The following TRIM23 variants were observed in gnomAD, a reference collection of about 807,000 sequenced individuals.
The protein encoded by TRIM23 is E3 ubiquitin-protein ligase TRIM23.
TRIM23 carries 27 observed loss-of-function variants against 71.0 expected under a neutral mutation model. The observed-to-expected ratio is 0.38, with a 90% CI of 0.28 to 0.52. The LOEUF (loss-of-function observed/expected upper bound fraction) is 0.52, where lower values mean the gene tolerates loss of function less well. TRIM23 is among the 20% of genes least tolerant of loss of function. TRIM23 has a pLI of 0.84. For synonymous variants in TRIM23, 234 were observed against 238.0 expected, an observed-to-expected ratio of 0.98 and a Z score of 0.16; for missense variants, 482 against 692.3, an observed-to-expected ratio of 0.70 and a Z score of 3.41.
At chr5:65,593,026 A>C (rs1051639580) in intron 10 of TRIM23, among the ~76,000 whole-genome samples, 3 of 151,496 alleles carry the variant, frequency 2.0e-5, no homozygotes, top group African/African-American at 7.3e-5. Context: ...AATTATCTGT[A>C]GGATAACCTT....
chr5:65,597,616 A>T (rs1301139359), intron 7 of TRIM23, among the ~76,000 whole-genome samples: 2 of 151,862 alleles, frequency 1.3e-5, no homozygotes, highest in African/African-American at 4.8e-5. Flanking sequence ...AACAAAACAA[A>T]TTTTTTTTTA....
In TRIM23 at chr5:65,589,708, G is replaced by T. The variant is rs1473339080; in HGVS notation, c.*2061C>A. On this transcript the variant is annotated 3_prime_UTR_variant, in exon 11 of 11. Coordinates refer to ENST00000231524, the MANE Select transcript of TRIM23 (RefSeq NM_001656.4). ...TTAAAAATGATCTTAACATTTTATT[G>T]CTGTCTATACTTATCATATATGTAG... is the stretch of plus-strand genomic sequence containing the variant. 6.6e-6 allele frequency: 1 copy of T among 152,238 alleles called. No individual in the cohort carries two copies. The highest frequency in any genetic ancestry group is 1.9e-4 in the East Asian group (1 of 5,192). The allele number at this position is 152,238 out of a possible 1,614,324, so 9.4% of individuals were successfully genotyped here. A position where few individuals can be genotyped will look rare whatever the true frequency, so the allele number is the denominator to read the frequency against.
At chr5:65,611,317 AAAC>A (rs1288328040) in intron 4 of TRIM23, among the ~76,000 whole-genome samples, 1 of 152,248 alleles carries the variant, frequency 6.6e-6, no homozygotes, top group Non-Finnish European at 1.5e-5. Context: ...AATATTGTCA[AAAC>A]AATCTGGTGC....
At chr5:65,600,071 G>A (rs999987805) in intron 7 of TRIM23, among the ~76,000 whole-genome samples, 2 of 152,058 alleles carry the variant, frequency 1.3e-5, no homozygotes, top group South Asian at 2.1e-4. Flanking sequence ...GAGAGAGGGT[G>A]GGGGAGGTGC....
intron 7 of TRIM23, 38 bp from the exon 8 acceptor site, chr5:65,597,218 G>A (rs1754231553): frequency 6.2e-7 from 1 of 1,600,730 alleles, no homozygotes; most frequent in Admixed American, 1.7e-5. Context: ...TTGACATGCA[G>A]TTAGAAAGTA....
intron 3 of TRIM23, chr5:65,613,587 C>T (rs904972898): frequency 3.7e-5 from 21 of 562,416 alleles, no homozygotes; most frequent in Non-Finnish European, 4.6e-5. Context: ...CTGATATTTA[C>T]TAGACATCTA....
intron 10 of TRIM23, among the ~76,000 whole-genome samples, chr5:65,592,901 C>A (rs1754085000): frequency 6.6e-6 from 1 of 152,152 alleles, no homozygotes. Context: ...CAGTCCTATA[C>A]TGAATGTTCA....
rs1753992352 is a variant in TRIM23 at position 65,590,571 on chromosome 5, C to T, written c.*1198G>A. On this transcript the variant is annotated 3_prime_UTR_variant, in exon 11 of 11. Coordinates refer to ENST00000231524, the MANE Select transcript of TRIM23 (RefSeq NM_001656.4). ...TTAAAAAAAAAAAAGTCTCAATGTA[C>T]CTATTTAAATAAATCGTGCTTCCAT... The T allele has an allele frequency of 1.9e-6, 2 of 1,052,230 alleles. No individual in the cohort carries two copies. Among genetic ancestry groups the T allele is most frequent in the African/African-American group, 1.7e-5 (1 of 59,920 alleles). 65.2% of individuals were successfully genotyped at this position (1,052,230 alleles called of 1,614,324 possible).
intron 3 of TRIM23, 126 bp from the exon 4 acceptor site, chr5:65,612,007 T>A (rs1443266273): frequency 1.9e-5 from 18 of 928,986 alleles, no homozygotes. Context: ...AATATATTGG[T>A]CATTAAGAAC....
chr5:65,604,075 T>C (rs1377046046), intron 7 of TRIM23, among the ~76,000 whole-genome samples: 1 of 151,984 alleles, frequency 6.6e-6, no homozygotes, highest in East Asian at 1.9e-4. Context: ...CTATAAGGTA[T>C]GCCACCATGC....
At position 65,618,131 on chromosome 5, in the gene TRIM23, G is replaced by C; in HGVS notation, c.206C>G (p.Ala69Gly). The part of the protein sequence containing the change: ...CLTRLPLHGR[A>G]IRCPFDRQVT... ...TTGTCGATCAAATGGGCAACGGATT[G>C]CTCTTCCATGAAGAGGTAGGCGAGT... The change falls in exon 2 of 11, where the codon GCA becomes GGA. Residue 69 changes from alanine to glycine, a missense_variant. Ala to Gly is a moderately conservative substitution (Grantham distance 60, BLOSUM62 0). Coordinates refer to ENST00000231524, the MANE Select transcript of TRIM23 (RefSeq NM_001656.4). 1.9e-6 allele frequency: 3 copies of C among 1,613,742 alleles called. No individual in the cohort carries two copies. The highest frequency in any genetic ancestry group is 2.5e-6 in the Non-Finnish European group (3 of 1,179,848).
chr5:65,622,901 T>A (rs1581195378), intron 1 of TRIM23, among the ~76,000 whole-genome samples: 1 of 152,164 alleles, frequency 6.6e-6, no homozygotes, highest in Non-Finnish European at 1.5e-5. Flanking sequence ...AATTATGAAA[T>A]AAAACTTAAA....
intron 6 of TRIM23, 112 bp from the exon 7 acceptor site, chr5:65,605,157 T>C: frequency 1.0e-6 from 1 of 984,732 alleles, no homozygotes; most frequent in Non-Finnish European, 1.4e-6. Context: ...TAGTCAAAGT[T>C]AAATGTAAAT....
rs905860273 is a variant in TRIM23 at position 65,591,518 on chromosome 5, T to C, written c.*251A>G. ...ATCTGAAAAACTTAAATAACAAATA[T>C]ACTTTTTAAAAGAATGTATATTCAA... On this transcript the variant is annotated 3_prime_UTR_variant, in exon 11 of 11. Coordinates refer to ENST00000231524, the MANE Select transcript of TRIM23 (RefSeq NM_001656.4). 7.2e-6 allele frequency: 11 copies of C among 1,537,016 alleles called. No homozygotes were observed. The highest frequency in any genetic ancestry group is 4.7e-5 in the East Asian group (2 of 42,700).
intron 7 of TRIM23, among the ~76,000 whole-genome samples, chr5:65,600,317 G>C (rs1039107056): frequency 6.6e-5 from 10 of 152,104 alleles, no homozygotes; most frequent in Admixed American, 5.9e-4. Context: ...ATAAAGATGA[G>C]ACATACAAAC....
Position 65,590,975 on chromosome 5 carries a change from T to C in TRIM23, c.*794A>G. 6 of 984,928 alleles carry C rather than the reference T, an allele frequency of 6.1e-6. No individual in the cohort carries two copies. Among genetic ancestry groups the C allele is most frequent in the Non-Finnish European group, 7.2e-6 (6 of 829,472 alleles). 61.0% of individuals were successfully genotyped at this position (984,928 alleles called of 1,614,324 possible). On this transcript the variant is annotated 3_prime_UTR_variant, in exon 11 of 11. Transcript: ENST00000231524. ...AGAAAGAAATATTACTTTAAATTTGTTGAAAAATAGAAGGACCAATTTAGA... is the reference window on the plus strand; with the variant it reads ...AGAAAGAAATATTACTTTAAATTTGCTGAAAAATAGAAGGACCAATTTAGA...
chr5:65,621,813 G>A (rs468493), intron 1 of TRIM23, among the ~76,000 whole-genome samples: 93,249 of 150,740 alleles, frequency 0.62, 29,055 homozygotes, highest in South Asian at 0.65. Flanking sequence ...TTTATTTTAT[G>A]TTGTTATTTA....
rs768502385 is a variant in TRIM23 at position 65,597,196 on chromosome 5, T to G, written c.1180-16A>C. 10 of 1,612,428 alleles carry G rather than the reference T, an allele frequency of 6.2e-6. No individual in the cohort carries two copies. The South Asian group carries it at 1.1e-4, about 18-fold the overall frequency. Reference sequence around the variant, plus strand: ...CTCGATTATCCTACAATTTAAATATTTTTAAATATGTTTGACATGCAGTTA... The same window carrying G: ...CTCGATTATCCTACAATTTAAATATGTTTAAATATGTTTGACATGCAGTTA... On this transcript the variant is annotated splice_polypyrimidine_tract_variant and intron_variant, in intron 7 of 10. Coordinates refer to ENST00000231524, the MANE Select transcript of TRIM23 (RefSeq NM_001656.4).
chr5:65,602,524 T>C (rs1754388596), intron 7 of TRIM23, among the ~76,000 whole-genome samples: 1 of 152,174 alleles, frequency 6.6e-6, no homozygotes, highest in African/African-American at 2.4e-5. Context: ...ACCCTCTACC[T>C]GTTACCCAGT....
Sources: allele counts gnomAD v4.1 joint callset (sites outside exome capture counted in the v4.1 genomes callset), GRCh38; gene constraint gnomAD v4.1.1; transcripts MANE v1.5; gene names NCBI Gene and HGNC (gene_info 2026-07-23, HGNC 2026-07-21).